KIAA1217: variants seen among roughly 807,000 people sequenced by gnomAD.
KIAA1217 encodes sickle tail protein homolog.
In KIAA1217, 88 loss-of-function variants were observed where a neutral mutation model predicts 163.9. The observed-to-expected ratio is 0.54, with a 90% confidence interval of 0.45 to 0.64. The LOEUF (loss-of-function observed/expected upper bound fraction) is 0.64, where lower values mean the gene tolerates loss of function less well. KIAA1217 is among the 30% of genes least tolerant of loss of function. The pLI, the probability that KIAA1217 is intolerant of heterozygous loss-of-function variation, is 0.00. For synonymous variants in KIAA1217, 903 were observed against 923.1 expected (o/e 0.98, Z 0.39); for missense variants, 2,372 against 2,475.0 (o/e 0.96, Z 0.88).
chr10:23,912,347 CT>C (rs34881154), intron 1 of KIAA1217, among the ~76,000 whole-genome samples: 56,103 of 148,458 alleles, frequency 0.38, 11,161 homozygotes, highest in African/African-American at 0.53. Context: ...TTTTTTAGAA[CT>C]TTTTTTTTTT....
At chr10:24,137,333 G>T (rs1034998469) in intron 2 of KIAA1217, among the ~76,000 whole-genome samples, 10 of 152,188 alleles carry the variant, frequency 6.6e-5, no homozygotes, top group African/African-American at 2.4e-4. Context: ...AAGTAGGCAT[G>T]CTCTCACCTG....
At chr10:24,126,282 G>T (rs1188623236) in intron 2 of KIAA1217, among the ~76,000 whole-genome samples, 1 of 151,992 alleles carries the variant, frequency 6.6e-6, no homozygotes, top group East Asian at 1.9e-4. Flanking sequence ...CTTCAACTTT[G>T]TCTGAACAGC....
At chr10:23,923,501 G>C (rs551593358) in intron 1 of KIAA1217, among the ~76,000 whole-genome samples, 88 of 152,198 alleles carry the variant, frequency 5.8e-4, no homozygotes, top group African/African-American at 2.0e-3. Flanking sequence ...TATCTGGGTG[G>C]GCCCTAAATG....
Position 24,085,122 on chromosome 10 carries a change from G to A in KIAA1217, c.-171+77748G>A, listed in dbSNP as rs1000475750. Reference sequence around the variant, plus strand: ...GTAGAGACGGCGTTTCACCGTGTTAGCCAGGATGGTCTCGATCTCCTGACC... The same window carrying A: ...GTAGAGACGGCGTTTCACCGTGTTAACCAGGATGGTCTCGATCTCCTGACC... On this transcript the variant is annotated intron_variant, in intron 2 of 18. Transcript: ENST00000376462. Among the ~76,000 whole-genome samples the A allele has an allele frequency of 5.9e-5, 9 of 152,078 alleles. No homozygotes were observed. The South Asian group carries it at 1.9e-3, about 32-fold the overall frequency.
At chr10:24,210,069 C>T (rs1280843630) in intron 1 of KIAA1217, among the ~76,000 whole-genome samples, 1 of 151,998 alleles carries the variant, frequency 6.6e-6, no homozygotes, top group Non-Finnish European at 1.5e-5. Flanking sequence ...ACCACACAGC[C>T]CTGGACCACC....
chr10:24,532,455 T>C (rs2073265594), intron 15 of KIAA1217, among the ~76,000 whole-genome samples: 1 of 152,188 alleles, frequency 6.6e-6, no homozygotes, highest in Non-Finnish European at 1.5e-5. Flanking sequence ...GGAGGGCCTT[T>C]CATGAGGACT....
At chr10:23,842,952 A>T (rs1033423937) in intron 1 of KIAA1217, among the ~76,000 whole-genome samples, 2 of 152,196 alleles carry the variant, frequency 1.3e-5, no homozygotes. Context: ...CTGACAAAGA[A>T]CCAAGTAAAA....
intron 1 of KIAA1217, among the ~76,000 whole-genome samples, chr10:23,881,077 C>A (rs1026691726): frequency 3.3e-5 from 5 of 151,148 alleles, no homozygotes; most frequent in African/African-American, 1.2e-4. Flanking sequence ...AGGAGAGGAG[C>A]ACTGGAGGTC....
intron 2 of KIAA1217, among the ~76,000 whole-genome samples, chr10:24,051,966 C>A (rs1178616479): frequency 6.6e-6 from 1 of 152,038 alleles, no homozygotes; most frequent in Non-Finnish European, 1.5e-5. Context: ...AATTAGGTCC[C>A]ATTTATTTAT....
chr10:24,505,032 T>C (rs940758823), intron 9 of KIAA1217, among the ~76,000 whole-genome samples: 1 of 152,140 alleles, frequency 6.6e-6, no homozygotes, highest in African/African-American at 2.4e-5. Flanking sequence ...TCAGGCACGA[T>C]GGCCAGAGTC....
At chr10:24,065,354 G>A (rs369699448) in intron 2 of KIAA1217, among the ~76,000 whole-genome samples, 135 of 152,004 alleles carry the variant, frequency 8.9e-4, no homozygotes, top group Middle Eastern at 3.4e-3. Flanking sequence ...CTTTGTTCTC[G>A]TTGGTTTCAA....
chr10:23,926,870 T>C (rs533482848), intron 1 of KIAA1217, among the ~76,000 whole-genome samples: 61 of 152,246 alleles, frequency 4.0e-4, no homozygotes, highest in East Asian at 3.1e-3. Context: ...GAGAAAGTTA[T>C]TTGAGACAGC....
chr10:24,534,463 C>G (rs1222321354), intron 16 of KIAA1217, among the ~76,000 whole-genome samples: 3 of 152,126 alleles, frequency 2.0e-5, no homozygotes, highest in Non-Finnish European at 4.4e-5. Flanking sequence ...TTTGTTGCAG[C>G]CACTTACAGC....
intron 1 of KIAA1217, among the ~76,000 whole-genome samples, chr10:23,744,121 C>T (rs1182092128): frequency 6.6e-6 from 1 of 152,118 alleles, no homozygotes; most frequent in Non-Finnish European, 1.5e-5. Flanking sequence ...AGGGCCAAAT[C>T]CAACAGGAAG....
At chr10:24,527,499 TA>T (rs35172680) in intron 13 of KIAA1217, among the ~76,000 whole-genome samples, 25,859 of 141,964 alleles carry the variant, frequency 0.18, 2,460 homozygotes, top group Non-Finnish European at 0.22. Flanking sequence ...CATTGCTACT[TA>T]AAAAAAAAAA....
chr10:24,412,444 C>T (rs1279435523), intron 3 of KIAA1217, among the ~76,000 whole-genome samples: 2 of 152,186 alleles, frequency 1.3e-5, no homozygotes, highest in South Asian at 2.1e-4. Flanking sequence ...CTCTTGGACC[C>T]ATCCATTGAT....
At chr10:24,129,851 A>G (rs1485830069) in intron 2 of KIAA1217, among the ~76,000 whole-genome samples, 3 of 151,620 alleles carry the variant, frequency 2.0e-5, no homozygotes, top group Non-Finnish European at 4.4e-5. Flanking sequence ...TTGACTTATT[A>G]TTATTTTGAT....
At chr10:24,454,575 A>G (rs2061624486) in intron 5 of KIAA1217, among the ~76,000 whole-genome samples, 1 of 152,164 alleles carries the variant, frequency 6.6e-6, no homozygotes, top group African/African-American at 2.4e-5. Flanking sequence ...GGGTGCTTAA[A>G]CTTCCATGCA....
intron 2 of KIAA1217, among the ~76,000 whole-genome samples, chr10:24,284,746 G>A (rs2078361136): frequency 6.6e-6 from 1 of 152,118 alleles, no homozygotes; most frequent in South Asian, 2.1e-4. Context: ...TTTCTTTTGG[G>A]TATATACCCA....
Sources: gnomAD v4.1 joint callset for allele counts (sites outside exome capture counted in the v4.1 genomes callset) on GRCh38, gnomAD v4.1.1 for gene constraint, MANE v1.5 for transcripts, NCBI Gene and HGNC (gene_info 2026-07-23, HGNC 2026-07-21) for gene names.